Variants in AGAP1 observed in about 807,000 individuals in gnomAD.
AGAP1 encodes ArfGAP with GTPase domain, ankyrin repeat and PH domain 1.
A neutral mutation model predicts 105.3 loss-of-function variants in AGAP1; 29 were observed. The observed-to-expected ratio is 0.28, with a 90% CI of 0.21 to 0.38. The LOEUF (loss-of-function observed/expected upper bound fraction) is 0.38, where lower values mean the gene tolerates loss of function less well. Ranked by LOEUF, AGAP1 falls within the 10% of genes least tolerant of loss-of-function variation. AGAP1 has a pLI of 1.00. For synonymous variants in AGAP1, 509 were observed against 485.9 expected (o/e 1.05, Z -0.63); for missense variants, 998 against 1,165.1 (o/e 0.86, Z 2.09).
At position 235,904,527 on chromosome 2, in the gene AGAP1, G is replaced by A. The variant is rs902128216; in HGVS notation, c.1156-4211G>A. 8.5e-5 allele frequency among the ~76,000 whole-genome samples: 13 copies of A among 152,294 alleles called. No individual in the cohort carries two copies. The highest frequency in any genetic ancestry group is 5.8e-4 in the East Asian group (3 of 5,176). On this transcript the variant is annotated intron_variant, in intron 10 of 17. Transcript: ENST00000304032. This position sits in a 1 kb window ranked among gnomAD's most constrained non-coding sequence, Gnocchi z 4.2. The stretch of plus-strand genomic sequence containing the variant: ...GTACTTGGCTTTGAATTACCCTCAC[G>A]CCTTGTTAAAGGGTTTTTCCTCTTT...
In AGAP1 at chr2:235,973,949, G is replaced by A. The variant is rs1422879791; in HGVS notation, c.1645+5326G>A. On this transcript the variant is annotated intron_variant, in intron 13 of 17. Transcript: ENST00000304032. The surrounding 1 kb of genome is among the most constrained non-coding windows in gnomAD (Gnocchi z 4.7). ...GATCTTTAATGGCTTGTCAGCTCTT[G>A]GCATTGTCTTTGAATTACAGTACTT... Among the ~76,000 whole-genome samples the A allele has an allele frequency of 1.3e-5, 2 of 152,122 alleles. No individual in the cohort carries two copies. Among genetic ancestry groups the A allele is most frequent in the Non-Finnish European group, 2.9e-5 (2 of 68,026 alleles).
chr2:235,805,201 T>A (rs139002451), intron 8 of AGAP1, among the ~76,000 whole-genome samples: 1 of 152,212 alleles, frequency 6.6e-6, no homozygotes, highest in Non-Finnish European at 1.5e-5. Context: ...CAGGAAATTT[T>A]TGTTTTATTT....
Position 235,616,105 on chromosome 2 carries a change from G to A in AGAP1, c.164-93074G>A, listed in dbSNP as rs371171882. Among the ~76,000 whole-genome samples, 34 of 152,308 alleles carry A rather than the reference G, an allele frequency of 2.2e-4. No homozygotes were observed. In the East Asian group the frequency reaches 4.8e-3, roughly 22 times the overall value. Reference sequence around the variant, plus strand: ...GGGCCGGATGCAGTGGCTCAAGCCTGTAATCCTAGCACTTTGGGAGGTAGA... The same window carrying A: ...GGGCCGGATGCAGTGGCTCAAGCCTATAATCCTAGCACTTTGGGAGGTAGA... On this transcript the variant is annotated intron_variant, in intron 1 of 17. Coordinates refer to ENST00000304032, the MANE Select transcript of AGAP1 (RefSeq NM_001037131.3).
At chr2:235,974,684 A>G (rs1327272802) in intron 13 of AGAP1, among the ~76,000 whole-genome samples, 1 of 151,424 alleles carries the variant, frequency 6.6e-6, no homozygotes, top group Non-Finnish European at 1.5e-5. Context: ...TCACAGCTGC[A>G]CTCACTGAGC....
chr2:235,581,946 C>T (rs892626102), intron 1 of AGAP1, among the ~76,000 whole-genome samples: 4 of 152,080 alleles, frequency 2.6e-5, no homozygotes, highest in Non-Finnish European at 5.9e-5. Context: ...GAATTAGCAC[C>T]CGGGGAGGTT....
At chr2:235,831,749 A>G (rs1281794743) in intron 9 of AGAP1, among the ~76,000 whole-genome samples, 1 of 152,194 alleles carries the variant, frequency 6.6e-6, no homozygotes, top group South Asian at 2.1e-4. Flanking sequence ...TTTTGCAATT[A>G]TGATTAATGC....
chr2:235,918,072 T>C (rs2051988833), intron 11 of AGAP1, among the ~76,000 whole-genome samples: 1 of 152,218 alleles, frequency 6.6e-6, no homozygotes, highest in African/African-American at 2.4e-5. Flanking sequence ...GGATGAGCAG[T>C]GTCAGTCCAC....
intron 1 of AGAP1, among the ~76,000 whole-genome samples, chr2:235,679,582 C>T (rs1443066897): frequency 3.3e-5 from 5 of 152,102 alleles, no homozygotes; most frequent in African/African-American, 9.7e-5. Flanking sequence ...TCCTCTTATT[C>T]GGAGGAGTAG....
rs1036838770 is a variant in AGAP1, at chr2:236,044,469, G to T, written c.1891+3628G>T. ...CATGTCGCCCATGAAGCCCTGGTTG[G>T]AGCTGACCGTGCGCTGGTCCCTCCC... On this transcript the variant is annotated intron_variant, in intron 15 of 17. Transcript: ENST00000304032. The surrounding 1 kb of genome is among the most constrained non-coding windows in gnomAD (Gnocchi z 5.7). 1.3e-5 allele frequency among the ~76,000 whole-genome samples: 2 copies of T among 152,064 alleles called. No individual in the cohort carries two copies. Among genetic ancestry groups the T allele is most frequent in the African/African-American group, 2.4e-5 (1 of 41,394 alleles).
intron 9 of AGAP1, among the ~76,000 whole-genome samples, chr2:235,816,628 C>T (rs1257602071): frequency 2.0e-5 from 3 of 152,040 alleles, no homozygotes; most frequent in Non-Finnish European, 2.9e-5. Context: ...TGGTGGCTCA[C>T]GCCTGTCATG....
intron 1 of AGAP1, among the ~76,000 whole-genome samples, chr2:235,506,233 G>A (rs6709622): frequency 0.64 from 97,036 of 152,038 alleles, 32,105 homozygotes; most frequent in South Asian, 0.77. Flanking sequence ...GCCCGGCCCT[G>A]TTTTATTTAT....
intron 1 of AGAP1, among the ~76,000 whole-genome samples, chr2:235,624,040 C>A (rs2149275078): frequency 6.6e-6 from 1 of 152,306 alleles, no homozygotes; most frequent in East Asian, 1.9e-4. Flanking sequence ...CAGGCTGAAT[C>A]CAGGAGAGCC....
chr2:235,516,875 G>A (rs534214618), intron 1 of AGAP1, among the ~76,000 whole-genome samples: 1 of 152,306 alleles, frequency 6.6e-6, no homozygotes, highest in Non-Finnish European at 1.5e-5. Flanking sequence ...TTCTTCTTTG[G>A]TTGCCCTCTG....
At chr2:236,052,811 C>T (rs926889310) in intron 16 of AGAP1, among the ~76,000 whole-genome samples, 2 of 152,112 alleles carry the variant, frequency 1.3e-5, no homozygotes, top group African/African-American at 2.4e-5. Context: ...AAAAGAAGCA[C>T]GTTAGAAAAC....
intron 6 of AGAP1, among the ~76,000 whole-genome samples, chr2:235,782,704 G>T (rs1269199225): frequency 6.6e-6 from 1 of 152,196 alleles, no homozygotes; most frequent in Non-Finnish European, 1.5e-5. Flanking sequence ...GAACGCTGAA[G>T]CCCAGAAGGA....
intron 9 of AGAP1, among the ~76,000 whole-genome samples, chr2:235,831,181 CT>C (rs1376782430): frequency 5.9e-5 from 6 of 102,134 alleles, no homozygotes; most frequent in Non-Finnish European, 9.9e-5. Context: ...CACTCTTCTT[CT>C]TTAAAAAAAA....
At chr2:235,760,478 G>A (rs1411859476) in intron 6 of AGAP1, among the ~76,000 whole-genome samples, 1 of 152,272 alleles carries the variant, frequency 6.6e-6, no homozygotes, top group Non-Finnish European at 1.5e-5. Flanking sequence ...GAATGTGCTT[G>A]AGGTGATTAT....
Position 235,715,076 on chromosome 2 carries a change from C to T in AGAP1, c.223-2481C>T, listed in dbSNP as rs146620341. Reference sequence around the variant, plus strand: ...CCCCCCAAAGTGCCGGGATTACAGGCGTGAGCCACCGTGCCCAGCCCTGTG... The same window carrying T: ...CCCCCCAAAGTGCCGGGATTACAGGTGTGAGCCACCGTGCCCAGCCCTGTG... On this transcript the variant is annotated intron_variant, in intron 2 of 17. Coordinates refer to ENST00000304032, the MANE Select transcript of AGAP1 (RefSeq NM_001037131.3). Among the ~76,000 whole-genome samples, 9 of 152,316 alleles carry T rather than the reference C, an allele frequency of 5.9e-5. No homozygotes were observed. In the East Asian group the frequency reaches 1.5e-3, roughly 26 times the overall value.
intron 1 of AGAP1, among the ~76,000 whole-genome samples, chr2:235,702,934 G>GTGTTTTTTTTTTTTTTTTT (rs1553609552): frequency 3.4e-5 from 3 of 88,946 alleles, no homozygotes; most frequent in Non-Finnish European, 2.2e-5. Context: ...AGTTTTCTTG[G>GTGTTTTTTTTTTTTTTTTT]TTTTTTTTTT....
Sources: allele counts gnomAD v4.1 joint callset (sites outside exome capture counted in the v4.1 genomes callset), GRCh38; gene constraint gnomAD v4.1.1; non-coding constraint Gnocchi (gnomAD v3.1); transcripts MANE v1.5; gene names NCBI Gene and HGNC (gene_info 2026-07-23, HGNC 2026-07-21).